The following SCHIP1 variants were observed in gnomAD, a reference collection of about 807,000 sequenced individuals.
The protein encoded by SCHIP1 is schwannomin-interacting protein 1.
Under a neutral mutation model 29.7 loss-of-function variants are expected in SCHIP1, and 8 were observed. The ratio of observed to expected loss-of-function variants is 0.27; its 90% CI spans 0.16 to 0.49. The LOEUF is 0.49. Among genes scored for constraint, SCHIP1 ranks in the 20% least tolerant of loss-of-function variants. The probability of loss-of-function intolerance (pLI) is 0.99; values close to 1 mark genes in which losing one functional copy is unlikely to be tolerated. For synonymous variants in SCHIP1, 76 were observed against 94.9 expected, an observed-to-expected ratio of 0.80 and a Z score of 1.16; for missense variants, 193 against 294.6, an observed-to-expected ratio of 0.66 and a Z score of 2.52.
chr3:159,424,503 A>G, the SCHIP1 span, among the ~76,000 whole-genome samples: 1 of 152,180 alleles, frequency 6.6e-6, no homozygotes, highest in African/African-American at 2.4e-5. Flanking sequence ...AAAGAATAAA[A>G]AGAAATGAAC....
chr3:159,423,857 C>A, the SCHIP1 span, among the ~76,000 whole-genome samples: 1 of 152,144 alleles, frequency 6.6e-6, no homozygotes, highest in Non-Finnish European at 1.5e-5. Flanking sequence ...TCCTCTGAGA[C>A]AAAACTTTCA....
At chr3:159,510,060 T>C in the SCHIP1 span, among the ~76,000 whole-genome samples, 1 of 152,212 alleles carries the variant, frequency 6.6e-6, no homozygotes, top group Admixed American at 6.5e-5. Context: ...TCCTGCAGAG[T>C]GTTTTCCAAC....
the SCHIP1 span, among the ~76,000 whole-genome samples, chr3:159,720,215 C>T: frequency 8.6e-6 from 1 of 115,736 alleles, no homozygotes; most frequent in Admixed American, 1.3e-4. Flanking sequence ...ACATCACACA[C>T]CGGGGCCTAT....
At chr3:159,273,429 G>A in the SCHIP1 span, 2 of 1,019,330 alleles carry the variant, frequency 2.0e-6, no homozygotes, top group Middle Eastern at 4.9e-4. Context: ...AGCATGAAGT[G>A]AATCGGCTGC....
chr3:159,281,797 G>A, the SCHIP1 span, among the ~76,000 whole-genome samples: 1 of 151,910 alleles, frequency 6.6e-6, no homozygotes, highest in Non-Finnish European at 1.5e-5. Context: ...GTTGTAATGT[G>A]TATATTCATT....
chr3:159,348,578 T>C, the SCHIP1 span, among the ~76,000 whole-genome samples: 1 of 152,178 alleles, frequency 6.6e-6, no homozygotes, highest in African/African-American at 2.4e-5. Flanking sequence ...CTATAAAATA[T>C]GTATTCCATT....
intron 6 of SCHIP1, chr3:159,894,760 C>T (rs1717894082): frequency 6.6e-6 from 1 of 151,378 alleles, no homozygotes; most frequent in Admixed American, 6.6e-5. Flanking sequence ...GAAACAAATC[C>T]TAATAGGGAC....
At chr3:159,612,319 A>G in the SCHIP1 span, among the ~76,000 whole-genome samples, 2 of 152,244 alleles carry the variant, frequency 1.3e-5, no homozygotes, top group African/African-American at 2.4e-5. Context: ...AGGGAAAAAT[A>G]TTAAAAACCA....
chr3:159,275,139 G>A, the SCHIP1 span: 47 of 887,982 alleles, frequency 5.3e-5, no homozygotes, highest in Admixed American at 2.6e-3. Flanking sequence ...TGTCATCTTT[G>A]CTCAATAGAT....
At chr3:159,623,073 C>T in the SCHIP1 span, among the ~76,000 whole-genome samples, 415 of 152,204 alleles carry the variant, frequency 2.7e-3, 1 homozygote, top group African/African-American at 8.9e-3. Context: ...ATTGATTGAA[C>T]CATAGTTAAT....
the SCHIP1 span, among the ~76,000 whole-genome samples, chr3:159,692,773 A>G: frequency 1.3e-5 from 2 of 152,210 alleles, no homozygotes; most frequent in Non-Finnish European, 2.9e-5. Context: ...AAATACGTCC[A>G]ATAATATTTC....
chr3:159,310,414 C>T, the SCHIP1 span, among the ~76,000 whole-genome samples: 1 of 151,830 alleles, frequency 6.6e-6, no homozygotes, highest in Non-Finnish European at 1.5e-5. Context: ...ATTTTTTGTT[C>T]CTCATTAGGG....
the SCHIP1 span, among the ~76,000 whole-genome samples, chr3:159,487,512 A>G: frequency 1.3e-5 from 2 of 152,138 alleles, no homozygotes; most frequent in Non-Finnish European, 2.9e-5. Context: ...GCTTTTTTCC[A>G]TGTGAACAGG....
the SCHIP1 span, among the ~76,000 whole-genome samples, chr3:159,717,820 A>G: frequency 1.3e-5 from 2 of 152,250 alleles, no homozygotes; most frequent in African/African-American, 4.8e-5. Context: ...AGCTGGTACC[A>G]TTCCTTCTGA....
chr3:159,838,087 A>T (rs1002931675), upstream of SCHIP1, among the ~76,000 whole-genome samples: 1 of 152,152 alleles, frequency 6.6e-6, no homozygotes, highest in African/African-American at 2.4e-5. Flanking sequence ...TGAGGATACC[A>T]GGAGTTGAGT....
the SCHIP1 span, among the ~76,000 whole-genome samples, chr3:159,402,829 C>T: frequency 6.6e-6 from 1 of 151,764 alleles, no homozygotes; most frequent in African/African-American, 2.4e-5. Context: ...ATACCTAATG[C>T]TAAATGACGA....
the SCHIP1 span, among the ~76,000 whole-genome samples, chr3:159,302,478 T>C: frequency 6.6e-6 from 1 of 152,202 alleles, no homozygotes; most frequent in African/African-American, 2.4e-5. Context: ...AGAAAGTTAA[T>C]ATCAGTGCTG....
At chr3:159,454,919 C>T in the SCHIP1 span, among the ~76,000 whole-genome samples, 1 of 152,204 alleles carries the variant, frequency 6.6e-6, no homozygotes, top group Non-Finnish European at 1.5e-5. Flanking sequence ...ATGTGGAATA[C>T]TCTTTTAAAA....
chr3:159,445,354 A>C, the SCHIP1 span, among the ~76,000 whole-genome samples: 7 of 151,048 alleles, frequency 4.6e-5, no homozygotes, highest in Non-Finnish European at 8.9e-5. Flanking sequence ...TTAGAATGGC[A>C]ATCATTAAAA....
Sources: gnomAD v4.1 joint callset for allele counts (sites outside exome capture counted in the v4.1 genomes callset) on GRCh38, gnomAD v4.1.1 for gene constraint, MANE v1.5 for transcripts, NCBI Gene and HGNC (gene_info 2026-07-23, HGNC 2026-07-21) for gene names.